The following OXR1 variants were observed in gnomAD, a reference collection of about 807,000 sequenced individuals.
OXR1 encodes the protein oxidation resistance protein 1.
Under a neutral mutation model 104.6 loss-of-function variants are expected in OXR1, and 41 were observed. The ratio of observed to expected loss-of-function variants is 0.39; its 90% CI spans 0.31 to 0.51. The LOEUF is 0.51. Among genes scored for constraint, OXR1 ranks in the 20% least tolerant of loss-of-function variants. The pLI is 0.77. For missense variants in OXR1, 955 were observed against 1,031.9 expected, an observed-to-expected ratio of 0.93 and a Z score of 1.02; for synonymous variants, 348 against 348.4, an observed-to-expected ratio of 1.00 and a Z score of 0.01.
intron 1 of OXR1, among the ~76,000 whole-genome samples, chr8:106,293,847 C>T (rs936302638): frequency 6.6e-6 from 1 of 152,098 alleles, no homozygotes; most frequent in East Asian, 1.9e-4. Flanking sequence ...TAAACACTTC[C>T]CAAAACACCC....
chr8:106,534,152 G>T (rs923326525), intron 3 of OXR1, among the ~76,000 whole-genome samples: 3 of 152,068 alleles, frequency 2.0e-5, no homozygotes, highest in African/African-American at 4.8e-5. Context: ...TCTGGGGCGG[G>T]GCCTACAATT....
intron 3 of OXR1, among the ~76,000 whole-genome samples, chr8:106,532,895 A>G (rs1242902867): frequency 3.3e-5 from 5 of 152,248 alleles, no homozygotes; most frequent in East Asian, 3.8e-4. Context: ...AAATAACCTT[A>G]TCATAAATAT....
At chr8:106,560,033 C>T (rs1031052720) in intron 3 of OXR1, among the ~76,000 whole-genome samples, 9 of 152,132 alleles carry the variant, frequency 5.9e-5, no homozygotes, top group African/African-American at 2.2e-4. Flanking sequence ...AAAAGAGACA[C>T]ACCCCATTTC....
At chr8:106,376,090 C>G (rs1044297813) in intron 2 of OXR1, among the ~76,000 whole-genome samples, 10 of 152,220 alleles carry the variant, frequency 6.6e-5, no homozygotes, top group Admixed American at 6.5e-4. Flanking sequence ...CTCAAGTGCC[C>G]TTCTCACCTC....
intron 3 of OXR1, among the ~76,000 whole-genome samples, chr8:106,554,867 A>C (rs890800999): frequency 6.6e-6 from 1 of 152,182 alleles, no homozygotes; most frequent in Admixed American, 6.6e-5. Context: ...CAAGAGTAGG[A>C]CCAAGGAATT....
chr8:106,726,657 A>C (rs1052374289), intron 11 of OXR1, among the ~76,000 whole-genome samples: 1 of 152,184 alleles, frequency 6.6e-6, no homozygotes, highest in Non-Finnish European at 1.5e-5. Context: ...TGAATAGAAC[A>C]GAGTAAATTA....
intron 11 of OXR1, among the ~76,000 whole-genome samples, chr8:106,734,136 T>C (rs1834164891): frequency 6.6e-6 from 1 of 152,022 alleles, no homozygotes; most frequent in African/African-American, 2.4e-5. Flanking sequence ...TTTGTATTTT[T>C]TTGTAGAGAC....
intron 3 of OXR1, among the ~76,000 whole-genome samples, chr8:106,663,896 C>T (rs1439412133): frequency 6.6e-6 from 1 of 152,152 alleles, no homozygotes; most frequent in East Asian, 1.9e-4. Context: ...GGGACCACTG[C>T]TTTAAGAGAC....
intron 2 of OXR1, among the ~76,000 whole-genome samples, chr8:106,385,063 T>C (rs80287757): frequency 0.032 from 4,823 of 152,276 alleles, 109 homozygotes; most frequent in South Asian, 0.13. Flanking sequence ...ATTTTGTTAT[T>C]TCTTATACTA....
At chr8:106,563,309 A>G (rs190822934) in intron 3 of OXR1, among the ~76,000 whole-genome samples, 5,452 of 151,228 alleles carry the variant, frequency 0.036, 170 homozygotes, top group Non-Finnish European at 0.059. Context: ...AAAAAAAAAA[A>G]AAAAAGAAAA....
intron 1 of OXR1, among the ~76,000 whole-genome samples, chr8:106,354,864 G>A (rs1022111079): frequency 2.0e-5 from 3 of 151,964 alleles, no homozygotes; most frequent in Non-Finnish European, 4.4e-5. Context: ...ACAACTAAAC[G>A]AATTTATTAG....
chr8:106,597,472 A>G (rs945442081), intron 3 of OXR1, among the ~76,000 whole-genome samples: 5 of 152,204 alleles, frequency 3.3e-5, no homozygotes, highest in African/African-American at 4.8e-5. Context: ...AGCAGGCTGA[A>G]TGGACTAAGA....
chr8:106,552,290 C>G (rs934507579), intron 3 of OXR1, among the ~76,000 whole-genome samples: 1 of 151,904 alleles, frequency 6.6e-6, no homozygotes, highest in Non-Finnish European at 1.5e-5. Context: ...GGAAGACTTG[C>G]AGCTGAGATG....
intron 7 of OXR1, among the ~76,000 whole-genome samples, chr8:106,694,446 T>A (rs937639884): frequency 5.6e-4 from 76 of 136,280 alleles, no homozygotes; most frequent in East Asian, 1.1e-3. Context: ...AAATATATTT[T>A]TATATATATT....
chr8:106,504,644 A>G (rs1031295991), intron 2 of OXR1, among the ~76,000 whole-genome samples: 3 of 152,210 alleles, frequency 2.0e-5, no homozygotes, highest in Admixed American at 1.3e-4. Flanking sequence ...AGGCTTCCCA[A>G]CAGATGTAAA....
chr8:106,547,452 T>C (rs1815446050), intron 3 of OXR1, among the ~76,000 whole-genome samples: 1 of 151,822 alleles, frequency 6.6e-6, no homozygotes, highest in Non-Finnish European at 1.5e-5. Context: ...TCAAGGTTCA[T>C]CCATTTTGTA....
intron 2 of OXR1, chr8:106,448,169 G>A: frequency 1.7e-6 from 2 of 1,204,602 alleles, no homozygotes; most frequent in African/African-American, 1.5e-5. Flanking sequence ...AAATCTTTGT[G>A]TTTATGGGAC....
chr8:106,534,718 A>G (rs1019364718), intron 3 of OXR1, among the ~76,000 whole-genome samples: 23 of 152,324 alleles, frequency 1.5e-4, no homozygotes, highest in African/African-American at 5.1e-4. Context: ...CACTTTCTTC[A>G]TAGGATTTGT....
Position 106,404,416 on chromosome 8 carries a change from A to G in OXR1, c.23+44780A>G, listed in dbSNP as rs140945146. ...ATTTTAACAGTAGAGAACCTGTGAG[A>G]CTAGGAGTTCAACTTGTGTTATAAT... On this transcript the variant is annotated intron_variant, in intron 2 of 16. Coordinates refer to ENST00000517566, the MANE Select transcript of OXR1 (RefSeq NM_001198533.2). Among the ~76,000 whole-genome samples the G allele has an allele frequency of 2.7e-3, 409 of 152,270 alleles. 2 individuals are homozygous for G. The highest frequency in any genetic ancestry group is 5.0e-3 in the Admixed American group (76 of 15,296).
Sources: allele counts gnomAD v4.1 joint callset (sites outside exome capture counted in the v4.1 genomes callset), GRCh38; gene constraint gnomAD v4.1.1; transcripts MANE v1.5; gene names NCBI Gene and HGNC (gene_info 2026-07-23, HGNC 2026-07-21).